The following ADARB2 variants were observed in gnomAD, a reference collection of about 807,000 sequenced individuals.
ADARB2 encodes inactive double-stranded RNA-specific editase B2.
A neutral mutation model predicts 62.2 loss-of-function variants in ADARB2; 25 were observed. The ratio of observed to expected loss-of-function variants is 0.40; its 90% CI spans 0.29 to 0.56. The LOEUF (loss-of-function observed/expected upper bound fraction) is 0.56. Ranked by LOEUF, ADARB2 falls within the 20% of genes least tolerant of loss-of-function variation. The probability of loss-of-function intolerance (pLI) is 0.43; values close to 1 mark genes in which losing one functional copy is unlikely to be tolerated. For synonymous variants in ADARB2, 572 were observed against 500.8 expected (o/e 1.14, Z -1.90); for missense variants, 1,071 against 1,077.4 (o/e 0.99, Z 0.08).
At chr10:1,451,411 G>T (rs1453806798) in intron 1 of ADARB2, among the ~76,000 whole-genome samples, 1 of 152,246 alleles carries the variant, frequency 6.6e-6, no homozygotes, top group Admixed American at 6.5e-5. Context: ...ATAGGGCCAA[G>T]TGAGGCTCAG....
chr10:1,410,435 C>T (rs559606474), intron 1 of ADARB2, among the ~76,000 whole-genome samples: 98 of 152,294 alleles, frequency 6.4e-4, no homozygotes, highest in African/African-American at 2.3e-3. Context: ...ACTTCTCAGG[C>T]TGAGATAATG....
intron 4 of ADARB2, among the ~76,000 whole-genome samples, chr10:1,249,396 TGCGC>T (rs1427615811): frequency 6.7e-6 from 1 of 148,748 alleles, no homozygotes; most frequent in Non-Finnish European, 1.5e-5. Context: ...GAGCTGAGAT[TGCGC>T]CACTGCTCTC....
chr10:1,241,016 AT>A (rs1830915343), intron 5 of ADARB2, among the ~76,000 whole-genome samples: 1 of 152,086 alleles, frequency 6.6e-6, no homozygotes. Context: ...CATGCCTGTA[AT>A]CTCAGCACTT....
Position 1,602,409 on chromosome 10 carries a change from T to C in ADARB2, c.100+134642A>G, listed in dbSNP as rs185796230. On this transcript the variant is annotated intron_variant, in intron 1 of 9. Transcript: ENST00000381312. ...CACACCACGCTGAGGGAAGAATGGC[T>C]CCCGATGACAGGCCTCCCAAGGAAT... Among the ~76,000 whole-genome samples, 6 of 152,210 alleles carry C rather than the reference T, an allele frequency of 3.9e-5. No individual in the cohort carries two copies. The East Asian group carries it at 1.2e-3, about 29-fold the overall frequency.
At chr10:1,503,527 A>G (rs1012638052) in intron 1 of ADARB2, among the ~76,000 whole-genome samples, 2 of 151,962 alleles carry the variant, frequency 1.3e-5, no homozygotes, top group African/African-American at 4.8e-5. Flanking sequence ...CTTCACATTC[A>G]TTGTATCATT....
At chr10:1,201,687 G>A (rs1437522453) in intron 7 of ADARB2, among the ~76,000 whole-genome samples, 1 of 151,550 alleles carries the variant, frequency 6.6e-6, no homozygotes, top group African/African-American at 2.4e-5. Context: ...ATGTCGGATG[G>A]TCGGAGGACA....
intron 1 of ADARB2, among the ~76,000 whole-genome samples, chr10:1,497,822 T>C (rs1044666107): frequency 1.4e-5 from 2 of 147,952 alleles, no homozygotes; most frequent in African/African-American, 4.9e-5. Context: ...ATAAATTCCA[T>C]AGAATTTGAA....
rs1247272180 is a variant in ADARB2, at chr10:1,629,372, G to A, written c.100+107679C>T. On this transcript the variant is annotated intron_variant, in intron 1 of 9. Coordinates refer to ENST00000381312, the MANE Select transcript of ADARB2 (RefSeq NM_018702.4). ...TGGGATTGGTGGAGACCTCCTCATC[G>A]TGATGGTCAGGACTTCACAGTGACA... Among the ~76,000 whole-genome samples, 4 of 152,162 alleles carry A rather than the reference G, an allele frequency of 2.6e-5. No individual in the cohort carries two copies. In the East Asian group the frequency reaches 5.8e-4, roughly 22 times the overall value.
At chr10:1,622,884 G>T (rs1350664220) in intron 1 of ADARB2, among the ~76,000 whole-genome samples, 1 of 152,182 alleles carries the variant, frequency 6.6e-6, no homozygotes, top group African/African-American at 2.4e-5. Flanking sequence ...GAATGCTCAC[G>T]TGGCTTCATT....
intron 1 of ADARB2, among the ~76,000 whole-genome samples, chr10:1,582,256 A>G (rs1210416144): frequency 6.6e-6 from 1 of 152,152 alleles, no homozygotes; most frequent in African/African-American, 2.4e-5. Flanking sequence ...GTGGGAAGTG[A>G]CGTGACCCTG....
intron 3 of ADARB2, among the ~76,000 whole-genome samples, chr10:1,281,986 G>A (rs1831374942): frequency 6.6e-6 from 1 of 152,200 alleles, no homozygotes; most frequent in Non-Finnish European, 1.5e-5. Flanking sequence ...GTAGTAAGCT[G>A]GTTAAATTTT....
intron 1 of ADARB2, among the ~76,000 whole-genome samples, chr10:1,497,772 A>G (rs1318857043): frequency 6.6e-6 from 1 of 152,182 alleles, no homozygotes; most frequent in Non-Finnish European, 1.5e-5. Context: ...GGGATCTCAC[A>G]TACATTCCTG....
At chr10:1,563,049 C>T (rs574552670) in intron 1 of ADARB2, among the ~76,000 whole-genome samples, 1 of 152,304 alleles carries the variant, frequency 6.6e-6, no homozygotes, top group South Asian at 2.1e-4. Context: ...TGACTTGAGT[C>T]CCTGTGTCCT....
chr10:1,406,232 C>T (rs982167749), intron 1 of ADARB2, among the ~76,000 whole-genome samples: 2 of 152,232 alleles, frequency 1.3e-5, no homozygotes, highest in Non-Finnish European at 2.9e-5. Flanking sequence ...CCTTGCAGGT[C>T]TGGTTAGCCC....
At chr10:1,314,335 T>C (rs1434010055) in intron 3 of ADARB2, among the ~76,000 whole-genome samples, 1 of 152,008 alleles carries the variant, frequency 6.6e-6, no homozygotes, top group Non-Finnish European at 1.5e-5. Flanking sequence ...ACTTGCCCCG[T>C]CCTCCTAGGA....
intron 3 of ADARB2, among the ~76,000 whole-genome samples, chr10:1,316,684 G>A (rs944054044): frequency 7.9e-5 from 12 of 152,168 alleles, no homozygotes; most frequent in Admixed American, 5.9e-4. Context: ...CTCTATTGCT[G>A]TGCCCTCCCC....
chr10:1,565,459 T>A, intron 1 of ADARB2, among the ~76,000 whole-genome samples: 1 of 152,138 alleles, frequency 6.6e-6, no homozygotes, highest in Non-Finnish European at 1.5e-5. Flanking sequence ...TCCATGGATA[T>A]ACTTGGAATT....
chr10:1,708,738 T>G (rs1365549291), intron 1 of ADARB2, among the ~76,000 whole-genome samples: 2 of 152,176 alleles, frequency 1.3e-5, no homozygotes, highest in African/African-American at 2.4e-5. Flanking sequence ...GGGGTCACAG[T>G]GAGGATTTGA....
At chr10:1,282,462 G>T (rs1335733361) in intron 3 of ADARB2, among the ~76,000 whole-genome samples, 1 of 152,184 alleles carries the variant, frequency 6.6e-6, no homozygotes, top group African/African-American at 2.4e-5. Context: ...GTTTTCCATA[G>T]TTGAATTACT....
Sources: allele counts gnomAD v4.1 joint callset (sites outside exome capture counted in the v4.1 genomes callset), GRCh38; gene constraint gnomAD v4.1.1; transcripts MANE v1.5; gene names NCBI Gene and HGNC (gene_info 2026-07-23, HGNC 2026-07-21).